The following THBS4 variants were observed in gnomAD, a reference collection of about 807,000 sequenced individuals.
The protein encoded by THBS4 is thrombospondin 4, also known as thrombospondin-4.
Under a neutral mutation model 115.7 loss-of-function variants are expected in THBS4, and 90 were observed. That is an observed-to-expected ratio of 0.78 (90% CI 0.66 to 0.93). The LOEUF is 0.93. Ranked by LOEUF, THBS4 falls within the 40% of genes least tolerant of loss-of-function variation. The pLI is 0.00. For synonymous variants in THBS4, 460 were observed against 479.3 expected (o/e 0.96, Z 0.53); for missense variants, 1,087 against 1,232.7 (o/e 0.88, Z 1.77).
At chr5:80,009,975 C>T (rs1417443805) in intron 2 of THBS4, among the ~76,000 whole-genome samples, 1 of 151,990 alleles carries the variant, frequency 6.6e-6, no homozygotes, top group Admixed American at 6.6e-5. Flanking sequence ...TCTACCCACA[C>T]CCTACCCCCT....
intron 2 of THBS4, among the ~76,000 whole-genome samples, chr5:80,004,427 C>T (rs917033188): frequency 6.6e-6 from 1 of 152,174 alleles, no homozygotes; most frequent in African/African-American, 2.4e-5. Flanking sequence ...AGATGCAGAT[C>T]TGGGTCCCGC....
At chr5:80,063,719 A>G (rs1238237112) in intron 8 of THBS4, among the ~76,000 whole-genome samples, 2 of 152,272 alleles carry the variant, frequency 1.3e-5, no homozygotes, top group Non-Finnish European at 2.9e-5. Context: ...AACCAAGGAA[A>G]CATAAGGTAC....
At chr5:80,044,730 A>C (rs560426850) in intron 2 of THBS4, among the ~76,000 whole-genome samples, 1 of 140,552 alleles carries the variant, frequency 7.1e-6, no homozygotes, top group South Asian at 2.3e-4. Context: ...CAGCCAAAAA[A>C]AGATTTTTTT....
chr5:80,076,836 C>T lies in THBS4; in HGVS notation c.1893-19C>T. ...CCCTGCTGAACTGTGAGCCACATCA[C>T]CTGTCCTTTCTCCTGCAGTGATGGA... is the stretch of plus-strand genomic sequence containing the variant. On this transcript the variant is annotated intron_variant, in intron 15 of 21. Transcript: ENST00000350881. The T allele has an allele frequency of 6.5e-7, 1 of 1,541,926 alleles. No homozygotes were observed. The highest frequency in any genetic ancestry group is 8.8e-7 in the Non-Finnish European group (1 of 1,140,878).
Position 80,012,475 on chromosome 5 carries a change from CAG to C in THBS4, n.177+14051_177+14052del, listed in dbSNP as rs1832146854. 1.1e-4 allele frequency among the ~76,000 whole-genome samples: 16 copies of C among 152,302 alleles called. No individual in the cohort carries two copies. The South Asian group carries it at 3.3e-3, about 32-fold the overall frequency. On this transcript the variant is annotated intron_variant and non_coding_transcript_variant, in intron 2 of 3. Coordinates refer to the THBS4 transcript ENST00000510218. Reference sequence around the variant, plus strand: ...CACATTAAAACTCTAGAAACCCAAACAGAGGGAGTAGGAGGGGCCATAAAATG... The same window carrying C: ...CACATTAAAACTCTAGAAACCCAAACAGGGAGTAGGAGGGGCCATAAAATG...
chr5:79,997,940 T>G (rs1246487188), intron 1 of THBS4, among the ~76,000 whole-genome samples: 2 of 152,050 alleles, frequency 1.3e-5, no homozygotes, highest in Non-Finnish European at 2.9e-5. Context: ...TATATACAAT[T>G]GATAATAAAA....
chr5:80,036,422 A>G (rs2112018987), intron 1 of THBS4, among the ~76,000 whole-genome samples: 1 of 152,352 alleles, frequency 6.6e-6, no homozygotes, highest in Admixed American at 6.5e-5. Context: ...TACTACGTTC[A>G]CTGGGTGATG....
At chr5:80,078,858 A>T (rs1447401192) in intron 17 of THBS4, 63 bp from the exon 18 acceptor site, 133 of 1,541,440 alleles carry the variant, frequency 8.6e-5, no homozygotes, top group Non-Finnish European at 1.1e-4. Context: ...TGAGGTTTTG[A>T]GCTTCCTTAA....
At chr5:80,073,533 G>A (rs373091548) in intron 15 of THBS4, among the ~76,000 whole-genome samples, 6 of 152,136 alleles carry the variant, frequency 3.9e-5, no homozygotes, top group African/African-American at 7.2e-5. Context: ...ACAGGCGCCC[G>A]CTACCATGCC....
chr5:80,047,314 G>C (rs963110038), intron 2 of THBS4, among the ~76,000 whole-genome samples: 4 of 152,170 alleles, frequency 2.6e-5, no homozygotes, highest in Non-Finnish European at 5.9e-5. Flanking sequence ...CAAGGACACT[G>C]TCAAGTCAAA....
At chr5:80,079,387 T>C (rs1743379390) in intron 19 of THBS4, 129 bp downstream of exon 19, 1 of 1,040,548 alleles carries the variant, frequency 9.6e-7, no homozygotes, top group Non-Finnish European at 1.3e-6. Context: ...AACGTTAGAG[T>C]CAGGGAAGAC....
At chr5:80,022,202 A>T (rs1231838833) in intron 2 of THBS4, among the ~76,000 whole-genome samples, 1 of 152,188 alleles carries the variant, frequency 6.6e-6, no homozygotes, top group Non-Finnish European at 1.5e-5. Flanking sequence ...TTTCCCTCTC[A>T]GGACTCAGGC....
chr5:80,034,902 A>G (rs1832660215), upstream of THBS4, among the ~76,000 whole-genome samples: 1 of 152,212 alleles, frequency 6.6e-6, no homozygotes, highest in African/African-American at 2.4e-5. Context: ...TTCAGGATTC[A>G]TTCGCAAGGG....
At chr5:80,078,804 T>C in intron 17 of THBS4, 117 bp from the exon 18 acceptor site, 1 of 818,662 alleles carries the variant, frequency 1.2e-6, no homozygotes, top group East Asian at 2.5e-5. Context: ...ATGAAATCTT[T>C]ATATGGAGGT....
chr5:80,072,200 C>T, intron 13 of THBS4, 78 bp from the exon 14 acceptor site: 1 of 1,330,480 alleles, frequency 7.5e-7, no homozygotes, highest in Non-Finnish European at 1.1e-6. Context: ...AAGTGACTCA[C>T]CATGCGCCTG....
chr5:80,082,725 A>T (rs184447454), intron 21 of THBS4, among the ~76,000 whole-genome samples, 180 bp downstream of exon 21: 2 of 152,236 alleles, frequency 1.3e-5, no homozygotes, highest in Admixed American at 6.5e-5. Context: ...TATTTTATCC[A>T]TGTGGAAATT....
At chr5:80,033,608 A>G (rs1307432883), upstream of THBS4, among the ~76,000 whole-genome samples, 1 of 152,168 alleles carries the variant, frequency 6.6e-6, no homozygotes, top group Non-Finnish European at 1.5e-5. Flanking sequence ...CTAGTCTCCC[A>G]TTTTATCTAG....
At chr5:80,059,105 G>C (rs958280151) in intron 5 of THBS4, among the ~76,000 whole-genome samples, 6 of 152,156 alleles carry the variant, frequency 3.9e-5, no homozygotes, top group Non-Finnish European at 8.8e-5. Context: ...GCTGAGGTGG[G>C]CAGATCACGA....
chr5:79,991,491 A>G (rs1831671349), intron 1 of THBS4: 2 of 390,188 alleles, frequency 5.1e-6, no homozygotes, highest in African/African-American at 4.1e-5. Flanking sequence ...AGAGTGTTCC[A>G]AACCCTTTGA....
Sources: gnomAD v4.1 joint callset for allele counts (sites outside exome capture counted in the v4.1 genomes callset) on GRCh38, gnomAD v4.1.1 for gene constraint, MANE v1.5 for transcripts, NCBI Gene and HGNC (gene_info 2026-07-23, HGNC 2026-07-21) for gene names.